Variants in PCDHGA1 observed in about 807,000 individuals in gnomAD.
PCDHGA1 encodes the protein protocadherin gamma subfamily A, 1.
In PCDHGA1, 32 loss-of-function variants were observed where a neutral mutation model predicts 58.0. The observed-to-expected ratio is 0.55, with a 90% CI of 0.42 to 0.74. The LOEUF is 0.74. Among genes scored for constraint, PCDHGA1 ranks in the 30% least tolerant of loss-of-function variants. The pLI, the probability that PCDHGA1 is intolerant of heterozygous loss-of-function variation, is 0.00. For synonymous variants in PCDHGA1, 498 were observed against 501.1 expected, an observed-to-expected ratio of 0.99 and a Z score of 0.08; for missense variants, 1,205 against 1,182.3, an observed-to-expected ratio of 1.02 and a Z score of -0.28.
chr5:141,477,191 A>C lies in PCDHGA1; in HGVS notation c.2422-17616A>C. 1 of 1,614,210 alleles carries C rather than the reference A, an allele frequency of 6.2e-7. No individual in the cohort carries two copies. The highest frequency in any genetic ancestry group is 1.1e-5 in the South Asian group (1 of 91,086). ...GGAGATCACAGTCACCTCCGTGTAC[A>C]GCCCAGTACCCGAGGATGCCCCTCT... On this transcript the variant is annotated intron_variant, in intron 1 of 3. Coordinates refer to ENST00000517417, the MANE Select transcript of PCDHGA1 (RefSeq NM_018912.3). This position sits in a 1 kb window ranked among gnomAD's most constrained non-coding sequence, Gnocchi z 4.9.
intron 1 of PCDHGA1, chr5:141,374,290 A>G: frequency 6.2e-7 from 1 of 1,613,934 alleles, no homozygotes; most frequent in South Asian, 1.1e-5. Context: ...TCGTCTCCAG[A>G]GGTAGGATGC....
chr5:141,360,446 T>C, intron 1 of PCDHGA1: 1 of 1,614,014 alleles, frequency 6.2e-7, no homozygotes, highest in Non-Finnish European at 8.5e-7. Flanking sequence ...CTGTGTGTTC[T>C]GGATTTCGAT....
At position 141,489,088 on chromosome 5, in the gene PCDHGA1, GAC is replaced by G; in HGVS notation, c.2422-5718_2422-5717del. 5.8e-6 allele frequency: 2 copies of G among 347,236 alleles called. No homozygotes were observed. The highest frequency in any genetic ancestry group is 4.7e-5 in the East Asian group (1 of 21,502). The allele number at this position is 347,236 out of a possible 1,614,324, so 21.5% of individuals were successfully genotyped here. A position where few individuals can be genotyped will look rare whatever the true frequency, so the allele number is the denominator to read the frequency against. ...CCCCTGCCCACCCCCGCCACTCGGT[GAC>G]TAAGAACTGCTGCAAGCAGGCAAAC... On this transcript the variant is annotated intron_variant, in intron 1 of 3. Transcript: ENST00000517417. The surrounding 1 kb of genome is among the most constrained non-coding windows in gnomAD (Gnocchi z 4.5).
chr5:141,423,674 C>G (rs57195665), intron 1 of PCDHGA1: 15 of 1,514,742 alleles, frequency 9.9e-6, no homozygotes, highest in African/African-American at 2.9e-5. Flanking sequence ...AGATTTATTT[C>G]TCTGCCTCCT....
intron 1 of PCDHGA1, chr5:141,399,208 C>G: frequency 6.2e-7 from 1 of 1,613,958 alleles, no homozygotes; most frequent in Non-Finnish European, 8.5e-7. Context: ...GCCTGGAACA[C>G]TAATTGCTTT....
chr5:141,339,814 A>T lies in PCDHGA1; in HGVS notation c.2421+6709A>T, dbSNP rs1239586598. On this transcript the variant is annotated intron_variant, in intron 1 of 3. Transcript: ENST00000517417. ...ACTACGCTCAAGTGGTATATTTTCT[A>T]GAGAAAAGCCCTGGAGAAACCTCAG... is the stretch of plus-strand genomic sequence containing the variant. The T allele has an allele frequency of 2.5e-6, 4 of 1,614,218 alleles. No individual in the cohort carries two copies. The Admixed American group carries it at 5.0e-5, about 20-fold the overall frequency.
At position 141,371,400 on chromosome 5, in the gene PCDHGA1, G is replaced by C. The variant is rs201084970; in HGVS notation, c.2421+38295G>C. 5.8e-5 allele frequency: 93 copies of C among 1,613,894 alleles called. No individual in the cohort carries two copies. Among genetic ancestry groups the C allele is most frequent in the African/African-American group, 2.7e-5 (2 of 74,938 alleles). Reference sequence around the variant, plus strand: ...CACTGCATATTGTAAAGTACAGATAGATATTTCAGATGAAAATGACAATGC... The same window carrying C: ...CACTGCATATTGTAAAGTACAGATACATATTTCAGATGAAAATGACAATGC... On this transcript the variant is annotated intron_variant, in intron 1 of 3. Transcript: ENST00000517417.
intron 1 of PCDHGA1, among the ~76,000 whole-genome samples, chr5:141,445,892 T>C (rs2154561169): frequency 6.6e-6 from 1 of 152,346 alleles, no homozygotes; most frequent in African/African-American, 2.4e-5. Context: ...TTAGGAGCTA[T>C]TAAAATATTT....
Position 141,330,762 on chromosome 5 carries a change from T to C in PCDHGA1, c.78T>C (p.Ala26=). 1 of 1,614,174 alleles carries C rather than the reference T, an allele frequency of 6.2e-7. No homozygotes were observed. The change falls in exon 1 of 4, where the codon GCT becomes GCC. Residue 26 remains alanine (A), a synonymous_variant. Transcript: ENST00000517417. The part of the protein sequence containing the change: ...LCLSLELLLE[A]GAGNIHYSVP... Reference sequence around the variant, plus strand: ...TTTCTCTGGAGCTGCTGTTGGAAGCTGGGGCTGGGAATATTCACTACTCAG... The same window carrying C: ...TTTCTCTGGAGCTGCTGTTGGAAGCCGGGGCTGGGAATATTCACTACTCAG...
At chr5:141,452,460 G>A (rs750887712) in intron 1 of PCDHGA1, among the ~76,000 whole-genome samples, 1 of 152,140 alleles carries the variant, frequency 6.6e-6, no homozygotes, top group Non-Finnish European at 1.5e-5. Flanking sequence ...GTCAGCAGAC[G>A]GAGCTAGGAA....
At chr5:141,419,686 G>T (rs551990092) in intron 1 of PCDHGA1, 2 of 1,612,878 alleles carry the variant, frequency 1.2e-6, no homozygotes, top group South Asian at 1.1e-5. Flanking sequence ...ACCACGTGGT[G>T]CAGGCCAGTG....
intron 1 of PCDHGA1, chr5:141,415,444 T>A (rs770800491): frequency 1.9e-6 from 3 of 1,614,184 alleles, no homozygotes; most frequent in Non-Finnish European, 2.5e-6. Context: ...CCTGCAGACC[T>A]ATTCCCACGA....
In PCDHGA1 at chr5:141,490,499, A is replaced by G. The variant is rs1269710790; in HGVS notation, c.2422-4308A>G. On this transcript the variant is annotated intron_variant, in intron 1 of 3. Coordinates refer to ENST00000517417, the MANE Select transcript of PCDHGA1 (RefSeq NM_018912.3). The surrounding 1 kb of genome is among the most constrained non-coding windows in gnomAD (Gnocchi z 5.4). ...TTGGACCGGGAGGCCACATCCCACT[A>G]TATCATCGAGCTGCTGGCCAGCGAT... 1.2e-6 allele frequency: 2 copies of G among 1,614,148 alleles called. No homozygotes were observed. Among genetic ancestry groups the G allele is most frequent in the Non-Finnish European group, 8.5e-7 (1 of 1,180,020 alleles).
chr5:141,431,505 C>T lies in PCDHGA1; in HGVS notation c.2422-63302C>T. 1.2e-6 allele frequency: 2 copies of T among 1,614,018 alleles called. No individual in the cohort carries two copies. The highest frequency in any genetic ancestry group is 1.7e-6 in the Non-Finnish European group (2 of 1,180,028). On this transcript the variant is annotated intron_variant, in intron 1 of 3. Coordinates refer to ENST00000517417, the MANE Select transcript of PCDHGA1 (RefSeq NM_018912.3). This position sits in a 1 kb window ranked among gnomAD's most constrained non-coding sequence, Gnocchi z 4.8. ...GCGTTTGCTCAGCCCGAGTACCGCG[C>T]GAGCGTTCCGGAGAATCTGGCCTTG...
At chr5:141,497,820 G>A (rs1595489288) in intron 2 of PCDHGA1, among the ~76,000 whole-genome samples, 1 of 152,226 alleles carries the variant, frequency 6.6e-6, no homozygotes, top group Admixed American at 6.5e-5. Flanking sequence ...AATTACAGGT[G>A]TGATCGCCCC....
At chr5:141,390,515 C>T (rs1325813784) in intron 1 of PCDHGA1, 1 of 575,082 alleles carries the variant, frequency 1.7e-6, no homozygotes, top group Middle Eastern at 4.7e-4. Flanking sequence ...ATTTATAAAG[C>T]AATGAGGGTG....
At chr5:141,414,225 G>A in intron 1 of PCDHGA1, 1 of 1,613,398 alleles carries the variant, frequency 6.2e-7, no homozygotes, top group Non-Finnish European at 8.5e-7. Context: ...ACAGTCCAGA[G>A]CTGACCATCA....
At chr5:141,409,587 C>G (rs13184186) in intron 1 of PCDHGA1, 1 of 1,613,902 alleles carries the variant, frequency 6.2e-7, no homozygotes, top group Non-Finnish European at 8.5e-7. Context: ...GTCCACGTGG[C>G]CGAGAACAAC....
At chr5:141,413,329 A>G (rs762420040) in intron 1 of PCDHGA1, 1 of 1,613,966 alleles carries the variant, frequency 6.2e-7, no homozygotes, top group Non-Finnish European at 8.5e-7. Context: ...CGTGGGCAAC[A>G]TCTCCAAGGA....
Sources: allele counts gnomAD v4.1 joint callset (sites outside exome capture counted in the v4.1 genomes callset), GRCh38; gene constraint gnomAD v4.1.1; non-coding constraint Gnocchi (gnomAD v3.1); transcripts MANE v1.5; gene names NCBI Gene and HGNC (gene_info 2026-07-23, HGNC 2026-07-21).